Variants in TRPC7 observed in about 807,000 individuals in gnomAD.
TRPC7 encodes short transient receptor potential channel 7.
A neutral mutation model predicts 90.1 loss-of-function variants in TRPC7; 42 were observed. That is an observed-to-expected ratio of 0.47 (90% CI 0.36 to 0.60). TRPC7 has a LOEUF of 0.60. Ranked by LOEUF, TRPC7 falls within the 20% of genes least tolerant of loss-of-function variation. The pLI, the probability that TRPC7 is intolerant of heterozygous loss-of-function variation, is 0.00. For synonymous variants in TRPC7, 451 were observed against 436.3 expected (o/e 1.03, Z -0.42); for missense variants, 955 against 1,112.3 (o/e 0.86, Z 2.01).
At chr5:136,221,197 T>G (rs1350862668) in intron 10 of TRPC7, among the ~76,000 whole-genome samples, 1 of 152,110 alleles carries the variant, frequency 6.6e-6, no homozygotes, top group Non-Finnish European at 1.5e-5. Context: ...TTTCACTTCA[T>G]GGAGATAATA....
At chr5:136,234,037 C>G (rs763306903) in intron 7 of TRPC7, among the ~76,000 whole-genome samples, 7 of 152,194 alleles carry the variant, frequency 4.6e-5, no homozygotes, top group African/African-American at 1.7e-4. Context: ...ACCTGACCCC[C>G]GCAGCTCAGG....
chr5:136,251,244 C>T (rs555650647), intron 6 of TRPC7, among the ~76,000 whole-genome samples: 1 of 152,260 alleles, frequency 6.6e-6, no homozygotes, highest in East Asian at 1.9e-4. Context: ...TATTTTTGCA[C>T]AAAACACAGG....
intron 3 of TRPC7, among the ~76,000 whole-genome samples, chr5:136,296,589 A>G (rs542441445): frequency 6.6e-6 from 1 of 152,286 alleles, no homozygotes; most frequent in South Asian, 2.1e-4. Context: ...AATTATAGGA[A>G]ACATAGATAA....
chr5:136,304,761 A>G (rs189310765), intron 3 of TRPC7, among the ~76,000 whole-genome samples: 2,148 of 152,208 alleles, frequency 0.014, 24 homozygotes, highest in Middle Eastern at 0.034. Flanking sequence ...TCTCATAAAA[A>G]CACACGTGCT....
intron 3 of TRPC7, among the ~76,000 whole-genome samples, chr5:136,300,502 G>T (rs2149830735): frequency 6.6e-6 from 1 of 152,344 alleles, no homozygotes. Flanking sequence ...CAGGCTTATG[G>T]TGGTAATTTT....
intron 11 of TRPC7, 125 bp from the exon 12 acceptor site, chr5:136,213,729 G>A: frequency 9.7e-7 from 1 of 1,027,080 alleles, no homozygotes; most frequent in Non-Finnish European, 1.4e-6. Context: ...CACCAGGGTT[G>A]AAGGTGAGGC....
chr5:136,316,946 T>A (rs936160857), intron 2 of TRPC7, among the ~76,000 whole-genome samples: 31 of 152,234 alleles, frequency 2.0e-4, no homozygotes, highest in Admixed American at 1.0e-3. Context: ...GTTGGAAGCC[T>A]GGCAAACTGC....
At chr5:136,240,082 C>G (rs1418978245) in intron 7 of TRPC7, among the ~76,000 whole-genome samples, 1 of 152,226 alleles carries the variant, frequency 6.6e-6, no homozygotes, top group Non-Finnish European at 1.5e-5. Flanking sequence ...TTATGAAGTG[C>G]TTCACAATCT....
chr5:136,271,323 G>A (rs1283257915), intron 4 of TRPC7, among the ~76,000 whole-genome samples: 2 of 152,158 alleles, frequency 1.3e-5, no homozygotes, highest in Non-Finnish European at 2.9e-5. Context: ...AATAGACAAG[G>A]TCAGCTTCTC....
chr5:136,327,884 A>G (rs1021710648), intron 2 of TRPC7, among the ~76,000 whole-genome samples: 1 of 152,192 alleles, frequency 6.6e-6, no homozygotes, highest in Admixed American at 6.5e-5. Context: ...TGGATGTTAA[A>G]ATTTAACACA....
intron 2 of TRPC7, among the ~76,000 whole-genome samples, chr5:136,354,677 C>T (rs1364835325): frequency 2.0e-5 from 3 of 152,226 alleles, no homozygotes; most frequent in Non-Finnish European, 4.4e-5. Context: ...AATTACTTTC[C>T]ATGGCTTTCC....
In TRPC7 at chr5:136,357,238, C is replaced by T. The variant is rs761208411; in HGVS notation, c.150G>A (p.Ser50=). The change falls in exon 2 of 12, where the codon TCG becomes TCA. Residue 50 remains serine, a synonymous_variant. Transcript: ENST00000513104. ...LTPEEERFLD[S]AEYGNIPVVR... ...CCACCGGGATGTTGCCATACTCAGC[C>T]GAGTCCAGGAAGCGCTCCTCCTCGG... 6.2e-6 allele frequency: 10 copies of T among 1,613,788 alleles called. No individual in the cohort carries two copies. Among genetic ancestry groups the T allele is most frequent in the East Asian group, 2.2e-5 (1 of 44,876 alleles).
At chr5:136,216,436 G>C (rs1755271645) in intron 10 of TRPC7, among the ~76,000 whole-genome samples, 161 bp from the exon 11 acceptor site, 1 of 152,210 alleles carries the variant, frequency 6.6e-6, no homozygotes, top group South Asian at 2.1e-4. Flanking sequence ...GCACAGTGCG[G>C]GTACCTGGCC....
At position 136,357,073 on chromosome 5, in the gene TRPC7, C is replaced by A. The variant is rs761233269; in HGVS notation, c.315G>T (p.Arg105=). 2 of 1,613,920 alleles carry A rather than the reference C, an allele frequency of 1.2e-6. No homozygotes were observed. The highest frequency in any genetic ancestry group is 1.7e-6 in the Non-Finnish European group (2 of 1,179,932). Residue 105 remains arginine, a synonymous_variant, in exon 2 of 12, where the codon CGG becomes CGT. Transcript: ENST00000513104. The part of the protein sequence containing the change: ...ELLLKKENLA[R]VGDALLLAIS... ...TGGCCAGCAGCAGCGCGTCCCCCACCCGTGCCAGGTTCTCCTTCTTCAGCA... is the reference window on the plus strand; with the variant it reads ...TGGCCAGCAGCAGCGCGTCCCCCACACGTGCCAGGTTCTCCTTCTTCAGCA...
intron 2 of TRPC7, among the ~76,000 whole-genome samples, chr5:136,355,753 G>A (rs189880244): frequency 2.6e-5 from 4 of 152,268 alleles, no homozygotes; most frequent in Admixed American, 6.5e-5. Flanking sequence ...AGCCAAGATC[G>A]TGCCACTGCA....
At chr5:136,357,466 C>A in intron 1 of TRPC7, 81 bp from the exon 2 acceptor site, 1 of 1,337,124 alleles carries the variant, frequency 7.5e-7, no homozygotes, top group Non-Finnish European at 1.0e-6. Context: ...TTGAGATACA[C>A]AAAGAATATC....
chr5:136,270,980 A>C (rs975120872), intron 4 of TRPC7, among the ~76,000 whole-genome samples: 3 of 152,152 alleles, frequency 2.0e-5, no homozygotes, highest in Non-Finnish European at 2.9e-5. Context: ...TGTGGAGAAA[A>C]AGAGGTCTCT....
intron 2 of TRPC7, among the ~76,000 whole-genome samples, chr5:136,339,852 C>CAAAAACAACAACAACAACAACAAA (rs147762581): frequency 6.6e-6 from 1 of 151,736 alleles, no homozygotes; most frequent in South Asian, 2.1e-4. Context: ...ACAACAACAA[C>CAAAAACAACAACAACAACAACAAA]AACAACAACA....
chr5:136,343,087 A>G (rs1219887019), intron 2 of TRPC7, among the ~76,000 whole-genome samples: 1 of 152,214 alleles, frequency 6.6e-6, no homozygotes, highest in African/African-American at 2.4e-5. Flanking sequence ...TCTGTATACA[A>G]AAGCAAACTC....
Sources: gnomAD v4.1 joint callset for allele counts (sites outside exome capture counted in the v4.1 genomes callset) on GRCh38, gnomAD v4.1.1 for gene constraint, MANE v1.5 for transcripts, NCBI Gene and HGNC (gene_info 2026-07-23, HGNC 2026-07-21) for gene names.